The following MRPL53 variants were observed in gnomAD, a reference collection of about 807,000 sequenced individuals.
The protein encoded by MRPL53 is mitochondrial ribosomal protein L53, also known as large ribosomal subunit protein mL53.
Under a neutral mutation model 7.5 loss-of-function variants are expected in MRPL53, and 7 were observed. The ratio of observed to expected loss-of-function variants is 0.93; its 90% CI spans 0.53 to 1.75. The LOEUF (loss-of-function observed/expected upper bound fraction) is 1.75. Among genes scored for constraint, MRPL53 ranks in the 40% most tolerant of loss-of-function variants. The pLI, the probability that MRPL53 is intolerant of heterozygous loss-of-function variation, is 0.00. For missense variants in MRPL53, 185 were observed against 159.0 expected, an observed-to-expected ratio of 1.16 and a Z score of -0.88; for synonymous variants, 84 against 64.4, an observed-to-expected ratio of 1.30 and a Z score of -1.46.
intron 1 of MRPL53, 30 bp downstream of exon 1, chr2:74,472,539 T>G (rs1196022342): frequency 6.2e-7 from 1 of 1,613,990 alleles, no homozygotes; most frequent in Non-Finnish European, 8.5e-7. Context: ...GGCGCACCAC[T>G]TCCCGCTTCT....
At position 74,472,254 on chromosome 2, in the gene MRPL53, T is replaced by G; in HGVS notation, c.206-2A>C. On this transcript the variant is annotated splice_acceptor_variant, in intron 2 of 2. Coordinates refer to ENST00000258105, the MANE Select transcript of MRPL53 (RefSeq NM_053050.5). LOFTEE classifies it high-confidence loss of function. The stretch of plus-strand genomic sequence containing the variant: ...GCATAATCAGGCGATGCCCGTCTCC[T>G]GGGGAAGAAACAAACGAGTGAGACA... 6.2e-7 allele frequency: 1 copy of G among 1,614,028 alleles called. No homozygotes were observed. Among genetic ancestry groups the G allele is most frequent in the South Asian group, 1.1e-5 (1 of 91,074 alleles).
chr2:74,472,485 CAG>C lies in MRPL53; in HGVS notation c.93-17_93-16del, dbSNP rs753633760. 1.2e-5 allele frequency: 20 copies of C among 1,613,958 alleles called. No homozygotes were observed. The East Asian group carries it at 3.8e-4, about 31-fold the overall frequency. On this transcript the variant is annotated splice_polypyrimidine_tract_variant and intron_variant, in intron 1 of 2. Transcript: ENST00000258105. ...GCAGGAAGGTCCTACGGTGGAAAAA[CAG>C]AGGAGCGCCAAGCTGAGGGCTTAAA...
intron 2 of MRPL53, 28 bp downstream of exon 2, chr2:74,472,330 C>G: frequency 6.2e-7 from 1 of 1,612,420 alleles, no homozygotes. Flanking sequence ...GCTCGCTGTT[C>G]CCTCCTGCCC....
In MRPL53 at chr2:74,472,644, G is replaced by A; in HGVS notation, c.17C>T (p.Ala6Val). The A allele has an allele frequency of 1.9e-6, 3 of 1,614,234 alleles. No individual in the cohort carries two copies. The highest frequency in any genetic ancestry group is 1.7e-5 in the Admixed American group (1 of 60,026). Residue 6 changes from alanine (A) to valine (V), a missense_variant, in exon 1 of 3, where the codon GCT (alanine) becomes GTT (valine). By Grantham distance (64) the Ala-to-Val change is moderately conservative. Coordinates refer to ENST00000258105, the MANE Select transcript of MRPL53 (RefSeq NM_053050.5). ...TTTGACAGGCCGCAGACCAAGCCGA[G>A]CCAAGGCAGCTGCCATGGTGACCTC... MAAAL[A>V]RLGLRPVKQV...
At position 74,472,461 on chromosome 2, in the gene MRPL53, C is replaced by T. The variant is rs1326177164; in HGVS notation, c.102G>A (p.Leu34=). 6.2e-7 allele frequency: 1 copy of T among 1,614,020 alleles called. No homozygotes were observed. The highest frequency in any genetic ancestry group is 8.5e-7 in the Non-Finnish European group (1 of 1,179,890). ...EKNVESTRTF[L]QTVSSEKVRS... ...GGACCTTCTCACTGCTCACCGTCTGCAGGAAGGTCCTACGGTGGAAAAACA... is the reference window on the plus strand; with the variant it reads ...GGACCTTCTCACTGCTCACCGTCTGTAGGAAGGTCCTACGGTGGAAAAACA... The change falls in exon 2 of 3, where the codon CTG becomes CTA. Residue 34 remains leucine, a synonymous_variant. Coordinates refer to ENST00000258105, the MANE Select transcript of MRPL53 (RefSeq NM_053050.5).
chr2:74,472,466 A>T lies in MRPL53; in HGVS notation c.97T>A (p.Phe33Ile). 6.2e-7 allele frequency: 1 copy of T among 1,614,076 alleles called. No individual in the cohort carries two copies. The highest frequency in any genetic ancestry group is 8.5e-7 in the Non-Finnish European group (1 of 1,179,920). Reference protein sequence around the residue: ...FEKNVESTRTFLQTVSSEKVR... With the variant: ...FEKNVESTRTILQTVSSEKVR... The stretch of plus-strand genomic sequence containing the variant: ...TTCTCACTGCTCACCGTCTGCAGGA[A>T]GGTCCTACGGTGGAAAAACAGAGGA... The change falls in exon 2 of 3, where the codon TTC (phenylalanine) becomes ATC (isoleucine). Residue 33 changes from phenylalanine (F) to isoleucine (I), a missense_variant. Transcript: ENST00000258105.
In MRPL53 at chr2:74,472,121, A is replaced by C; in HGVS notation, c.337T>G (p.Ter113GlyextTer14). The C allele has an allele frequency of 6.2e-7, 1 of 1,613,946 alleles. No individual in the cohort carries two copies. The highest frequency in any genetic ancestry group is 1.1e-5 in the South Asian group (1 of 91,064). The change falls in exon 3 of 3, where the codon TGA (stop) becomes GGA (glycine). Residue 113 changes from the stop codon to glycine, a stop_lost. Coordinates refer to ENST00000258105, the MANE Select transcript of MRPL53 (RefSeq NM_053050.5). ...GDKPGADTGR* is the reference protein window; with the variant it reads ...GDKPGADTGRG ...TCTTGTTGGTCTCTTTGGCGCTGTC[A>C]GCGACCAGTATCAGCGCCCGGCTTG...
Position 74,472,013 on chromosome 2 carries a change from C to A in MRPL53, c.*106G>T. Reference sequence around the variant, plus strand: ...TAGCAGGGTTTTAAACTTTATTTTGCGCTCCGTGACCCTTCAGATAGTGAT... The same window carrying A: ...TAGCAGGGTTTTAAACTTTATTTTGAGCTCCGTGACCCTTCAGATAGTGAT... On this transcript the variant is annotated 3_prime_UTR_variant, in exon 3 of 3. Coordinates refer to ENST00000258105, the MANE Select transcript of MRPL53 (RefSeq NM_053050.5). 1 of 1,453,830 alleles carries A rather than the reference C, an allele frequency of 6.9e-7. No homozygotes were observed. The highest frequency in any genetic ancestry group is 9.4e-7 in the Non-Finnish European group (1 of 1,069,240). 90.1% of individuals were successfully genotyped at this position (1,453,830 alleles called of 1,614,324 possible).
chr2:74,472,479 G>T lies in MRPL53; in HGVS notation c.93-9C>A, dbSNP rs750939456. The T allele has an allele frequency of 5.9e-5, 95 of 1,613,814 alleles. No homozygotes were observed. Among genetic ancestry groups the T allele is most frequent in the Non-Finnish European group, 7.4e-5 (87 of 1,179,802 alleles). On this transcript the variant is annotated splice_polypyrimidine_tract_variant and intron_variant, in intron 1 of 2. Coordinates refer to ENST00000258105, the MANE Select transcript of MRPL53 (RefSeq NM_053050.5). ...CCGTCTGCAGGAAGGTCCTACGGTGGAAAAACAGAGGAGCGCCAAGCTGAG... is the reference window on the plus strand; with the variant it reads ...CCGTCTGCAGGAAGGTCCTACGGTGTAAAAACAGAGGAGCGCCAAGCTGAG...
Position 74,472,425 on chromosome 2 carries a change from A to G in MRPL53, c.138T>C (p.Asn46=). 1 of 1,613,962 alleles carries G rather than the reference A, an allele frequency of 6.2e-7. No individual in the cohort carries two copies. The highest frequency in any genetic ancestry group is 8.5e-7 in the Non-Finnish European group (1 of 1,179,922). The part of the protein sequence containing the change: ...TVSSEKVRST[N]LNCSVIADVR... The stretch of plus-strand genomic sequence containing the variant: ...CGTCCGCAATCACTGAGCAGTTGAG[A>G]TTAGTGGAGCGGACCTTCTCACTGC... Residue 46 remains asparagine (N), a synonymous_variant, in exon 2 of 3, where the codon AAT becomes AAC. Coordinates refer to ENST00000258105, the MANE Select transcript of MRPL53 (RefSeq NM_053050.5).
At position 74,472,672 on chromosome 2, in the gene MRPL53, C is replaced by T. The variant is rs1291038627; in HGVS notation, c.-12G>A. On this transcript the variant is annotated 5_prime_UTR_variant, in exon 1 of 3. Transcript: ENST00000258105. ...AAGGCAGCTGCCATGGTGACCTCCGCCCCGGAAGAACTCGTGCAGGCGGAA... is the reference window on the plus strand; with the variant it reads ...AAGGCAGCTGCCATGGTGACCTCCGTCCCGGAAGAACTCGTGCAGGCGGAA... 1.9e-6 allele frequency: 3 copies of T among 1,614,208 alleles called. No homozygotes were observed. The highest frequency in any genetic ancestry group is 8.5e-7 in the Non-Finnish European group (1 of 1,180,000).
In MRPL53 at chr2:74,472,460, G is replaced by A. The variant is rs779139769; in HGVS notation, c.103C>T (p.Gln35Ter). 6 of 1,614,036 alleles carry A rather than the reference G, an allele frequency of 3.7e-6. No homozygotes were observed. Among genetic ancestry groups the A allele is most frequent in the Non-Finnish European group, 5.1e-6 (6 of 1,179,890 alleles). ...KNVESTRTFL[Q>*]TVSSEKVRST... is the part of the protein sequence containing the mutation. ...CGGACCTTCTCACTGCTCACCGTCT[G>A]CAGGAAGGTCCTACGGTGGAAAAAC... The change falls in exon 2 of 3, where the codon CAG becomes TAG. Residue 35 changes from glutamine (Q) to a stop codon, truncating the protein, a stop_gained. Transcript: ENST00000258105. LOFTEE classifies it high-confidence loss of function.
At chr2:74,472,515 C>T (rs1271843872) in intron 1 of MRPL53, 45 bp from the exon 2 acceptor site, 16 of 1,613,696 alleles carry the variant, frequency 9.9e-6, no homozygotes, top group Non-Finnish European at 1.4e-5. Context: ...GGCTTAAAGC[C>T]CCGGCTGAAG....
In MRPL53 at chr2:74,472,192, G is replaced by A; in HGVS notation, c.266C>T (p.Ala89Val). ...AHLTALEMLTAFASHIRARDA... is the reference protein window; with the variant it reads ...AHLTALEMLTVFASHIRARDA... ...CCTGGCCCGGATGTGGGAGGCGAAGGCGGTGAGCATTTCCAGAGCGGTGAG... is the reference window on the plus strand; with the variant it reads ...CCTGGCCCGGATGTGGGAGGCGAAGACGGTGAGCATTTCCAGAGCGGTGAG... Residue 89 changes from alanine to valine, a missense_variant, in exon 3 of 3, where the codon GCC becomes GTC. By Grantham distance (64) the Ala-to-Val change is moderately conservative. Coordinates refer to ENST00000258105, the MANE Select transcript of MRPL53 (RefSeq NM_053050.5). 1.2e-6 allele frequency: 2 copies of A among 1,614,202 alleles called. No individual in the cohort carries two copies. The highest frequency in any genetic ancestry group is 1.7e-6 in the Non-Finnish European group (2 of 1,180,032).
chr2:74,472,398 C>CA lies in MRPL53; in HGVS notation c.164dup (p.Arg56GlufsTer3). 1 of 1,614,022 alleles carries CA rather than the reference C, an allele frequency of 6.2e-7. No individual in the cohort carries two copies. The highest frequency in any genetic ancestry group is 1.1e-5 in the South Asian group (1 of 91,068). ...CGCAGGGCTCGGAGCCGTCATGCCTCACGTCCGCAATCACTGAGCAGTTGA... is the reference window on the plus strand; with the variant it reads ...CGCAGGGCTCGGAGCCGTCATGCCTCAACGTCCGCAATCACTGAGCAGTTGA... On this transcript the variant is annotated frameshift_variant, in exon 2 of 3. Transcript: ENST00000258105. LOFTEE classifies it high-confidence loss of function.
rs1407856775 is a variant in MRPL53 at position 74,472,569 on chromosome 2, C to T, written c.92G>A (p.Arg31Lys). The change falls in exon 1 of 3, where the codon AGG becomes AAG. Residue 31 changes from arginine (R) to lysine (K), a missense_variant and splice_region_variant. Arg to Lys is a conservative substitution (Grantham distance 26). Coordinates refer to ENST00000258105, the MANE Select transcript of MRPL53 (RefSeq NM_053050.5). ...CPFEKNVEST[R>K]TFLQTVSSEK... is the part of the protein sequence containing the mutation. ...GCTTCTACCCACTTCCCCTTCGTAC[C>T]TCGTCGATTCCACGTTTTTCTCGAA... 35 of 1,614,128 alleles carry T rather than the reference C, an allele frequency of 2.2e-5. No homozygotes were observed. The highest frequency in any genetic ancestry group is 2.8e-5 in the Non-Finnish European group (33 of 1,180,048).
chr2:74,472,408 A>G lies in MRPL53; in HGVS notation c.155T>C (p.Ile52Thr). ...GGAGCCGTCATGCCTCACGTCCGCA[A>G]TCACTGAGCAGTTGAGATTAGTGGA... ...VRSTNLNCSVIADVRHDGSEP... is the reference protein window; with the variant it reads ...VRSTNLNCSVTADVRHDGSEP... The change falls in exon 2 of 3, where the codon ATT becomes ACT. Residue 52 changes from isoleucine to threonine, a missense_variant. Ile to Thr is a moderately conservative substitution (Grantham distance 89, BLOSUM62 -1). Transcript: ENST00000258105. 1 of 1,614,028 alleles carries G rather than the reference A, an allele frequency of 6.2e-7. No homozygotes were observed. The highest frequency in any genetic ancestry group is 1.1e-5 in the South Asian group (1 of 91,060).
chr2:74,472,120 C>G lies in MRPL53; in HGVS notation c.338G>C (p.Ter113SerextTer14). The change falls in exon 3 of 3, where the codon TGA becomes TCA. Residue 113 changes from the stop codon to serine (S), a stop_lost. Transcript: ENST00000258105. ...GDKPGADTGR[*>S] Reference sequence around the variant, plus strand: ...ATCTTGTTGGTCTCTTTGGCGCTGTCAGCGACCAGTATCAGCGCCCGGCTT... The same window carrying G: ...ATCTTGTTGGTCTCTTTGGCGCTGTGAGCGACCAGTATCAGCGCCCGGCTT... 6.2e-7 allele frequency: 1 copy of G among 1,613,944 alleles called. No individual in the cohort carries two copies.
rs765932036 is a variant in MRPL53, at chr2:74,472,637, A to G, written c.24T>C (p.Leu8=). The G allele has an allele frequency of 1.9e-6, 3 of 1,614,246 alleles. No homozygotes were observed. Among genetic ancestry groups the G allele is most frequent in the Non-Finnish European group, 2.5e-6 (3 of 1,180,044 alleles). The change falls in exon 1 of 3, where the codon CTT becomes CTC. Residue 8 remains leucine (L), a synonymous_variant. Transcript: ENST00000258105. ...GAACCTGTTTGACAGGCCGCAGACC[A>G]AGCCGAGCCAAGGCAGCTGCCATGG... MAAALAR[L]GLRPVKQVRV...
Sources: gnomAD v4.1 joint callset for allele counts on GRCh38, gnomAD v4.1.1 for gene constraint, MANE v1.5 for transcripts, NCBI Gene and HGNC (gene_info 2026-07-23, HGNC 2026-07-21) for gene names.